Variants in PALLD observed in about 807,000 individuals in gnomAD.
PALLD encodes the protein palladin, cytoskeletal associated protein, also known as palladin.
In PALLD, 61 loss-of-function variants were observed where a neutral mutation model predicts 123.5. The ratio of observed to expected loss-of-function variants is 0.49; its 90% CI spans 0.40 to 0.61. The LOEUF (loss-of-function observed/expected upper bound fraction) is 0.61, where lower values mean the gene tolerates loss of function less well. Ranked by LOEUF, PALLD falls within the 20% of genes least tolerant of loss-of-function variation. The pLI is 0.00. For missense variants in PALLD, 1,273 were observed against 1,377.0 expected, an observed-to-expected ratio of 0.92 and a Z score of 1.20; for synonymous variants, 465 against 496.4, an observed-to-expected ratio of 0.94 and a Z score of 0.84.
chr4:168,706,426 C>T (rs1485216959), intron 8 of PALLD, among the ~76,000 whole-genome samples: 2 of 152,130 alleles, frequency 1.3e-5, no homozygotes, highest in Non-Finnish European at 2.9e-5. Flanking sequence ...TTTTACAACT[C>T]TTGCAATTTT....
At chr4:168,830,365 A>AC (rs1165372384) in intron 10 of PALLD, among the ~76,000 whole-genome samples, 1 of 151,674 alleles carries the variant, frequency 6.6e-6, no homozygotes, top group Non-Finnish European at 1.5e-5. Flanking sequence ...TCTTGAACAA[A>AC]AAAAAATGTT....
At chr4:168,861,931 C>T (rs1002546233) in intron 10 of PALLD, among the ~76,000 whole-genome samples, 6 of 152,164 alleles carry the variant, frequency 3.9e-5, no homozygotes, top group East Asian at 1.9e-4. Context: ...GCTGGGATTA[C>T]AGGCATGAGC....
rs114250766 is a variant in PALLD, at chr4:168,915,961, T to C, written c.2784T>C (p.Pro928=). 8.6e-5 allele frequency: 138 copies of C among 1,613,268 alleles called. No homozygotes were observed. In the East Asian group the frequency reaches 2.5e-3, roughly 30 times the overall value. Residue 928 remains proline (P), a synonymous_variant, in exon 17 of 22, where the codon CCT becomes CCC. Transcript: ENST00000505667. Reference sequence around the variant, plus strand: ...CAATTCAGGAGCGATTCTTCAGACCTCACTTCTTGCAGGCTCCTGGAGATC... The same window carrying C: ...CAATTCAGGAGCGATTCTTCAGACCCCACTTCTTGCAGGCTCCTGGAGATC... ...NEPIQERFFR[P]HFLQAPGDLT...
At chr4:168,835,567 A>G (rs991157394) in intron 10 of PALLD, among the ~76,000 whole-genome samples, 1 of 152,202 alleles carries the variant, frequency 6.6e-6, no homozygotes, top group Admixed American at 6.5e-5. Context: ...GTTTAGCCCT[A>G]GATCTCTTTG....
chr4:168,761,479 T>C (rs1421088967), intron 10 of PALLD, among the ~76,000 whole-genome samples: 1 of 152,054 alleles, frequency 6.6e-6, no homozygotes, highest in Non-Finnish European at 1.5e-5. Flanking sequence ...ATTTTTTTTC[T>C]GAGACGAGTC....
intron 2 of PALLD, among the ~76,000 whole-genome samples, chr4:168,569,764 C>A (rs1276754656): frequency 6.6e-6 from 1 of 152,154 alleles, no homozygotes; most frequent in Non-Finnish European, 1.5e-5. Flanking sequence ...CTACATCAGA[C>A]TTGACCCCCG....
intron 2 of PALLD, among the ~76,000 whole-genome samples, chr4:168,630,028 G>A (rs565976640): frequency 6.6e-6 from 1 of 152,168 alleles, no homozygotes; most frequent in African/African-American, 2.4e-5. Context: ...AGATTTCTGC[G>A]CTCATGGTGA....
intron 3 of PALLD, among the ~76,000 whole-genome samples, chr4:168,681,036 C>T (rs555283384): frequency 5.4e-4 from 82 of 152,112 alleles, no homozygotes; most frequent in African/African-American, 1.9e-3. Flanking sequence ...TAGTTTATAG[C>T]CATTTAAAAG....
chr4:168,670,765 CAA>C lies in PALLD; in HGVS notation c.1087+2405_1087+2406del, dbSNP rs367710328. On this transcript the variant is annotated intron_variant, in intron 3 of 21. Coordinates refer to ENST00000505667, the MANE Select transcript of PALLD (RefSeq NM_001166108.2). ...AAAAAAACAAAAAAAACAAAAAAAA[CAA>C]AAAAAAACAAAAAAAAAAAAACAAA... Among the ~76,000 whole-genome samples, 3 of 109,508 alleles carry C rather than the reference CAA, an allele frequency of 2.7e-5. No individual in the cohort carries two copies. The South Asian group carries it at 8.8e-4, about 32-fold the overall frequency. The allele number at this position is 109,508 out of a possible 152,430, so 71.8% of individuals were successfully genotyped here.
At chr4:168,852,562 GC>G (rs1374739463) in intron 10 of PALLD, among the ~76,000 whole-genome samples, 1 of 152,098 alleles carries the variant, frequency 6.6e-6, no homozygotes, top group Non-Finnish European at 1.5e-5. Context: ...GATTGCTTGA[GC>G]CCAGGAAGTC....
intron 10 of PALLD, among the ~76,000 whole-genome samples, chr4:168,857,434 G>A (rs1004090163): frequency 2.6e-5 from 4 of 152,194 alleles, no homozygotes; most frequent in East Asian, 1.9e-4. Context: ...TAGTCCTTAC[G>A]TCAAGATGAA....
chr4:168,762,786 C>T (rs1478337831), intron 10 of PALLD, among the ~76,000 whole-genome samples: 1 of 152,200 alleles, frequency 6.6e-6, no homozygotes, highest in Admixed American at 6.5e-5. Flanking sequence ...AAATGCCCAT[C>T]AATGATAGAC....
intron 8 of PALLD, among the ~76,000 whole-genome samples, chr4:168,696,227 T>C (rs1254129971): frequency 6.6e-6 from 1 of 152,152 alleles, no homozygotes; most frequent in Non-Finnish European, 1.5e-5. Flanking sequence ...TTTGAAATTC[T>C]TAATGCCAAA....
chr4:168,715,689 C>G (rs941116573), intron 10 of PALLD, among the ~76,000 whole-genome samples: 1 of 152,104 alleles, frequency 6.6e-6, no homozygotes, highest in Non-Finnish European at 1.5e-5. Context: ...GGTGGCTCAC[C>G]CCTGTAATCC....
intron 10 of PALLD, among the ~76,000 whole-genome samples, chr4:168,734,098 C>T (rs1022595663): frequency 6.6e-6 from 1 of 152,086 alleles, no homozygotes. Flanking sequence ...TCTGAGATAT[C>T]GGTTTGATAC....
chr4:168,824,871 G>T (rs1173576798), intron 10 of PALLD, among the ~76,000 whole-genome samples: 1 of 147,702 alleles, frequency 6.8e-6, no homozygotes, highest in Non-Finnish European at 1.5e-5. Flanking sequence ...ACCCAGGCTG[G>T]AGTGCAGTGG....
At chr4:168,523,200 C>T (rs13141538) in intron 2 of PALLD, among the ~76,000 whole-genome samples, 1 of 116,172 alleles carries the variant, frequency 8.6e-6, no homozygotes, top group Non-Finnish European at 1.6e-5. Flanking sequence ...GGAGGAGAAT[C>T]TTTGAGAACG....
In PALLD at chr4:168,603,514, C is replaced by CT. The variant is rs553876656; in HGVS notation, c.909-64675dup. On this transcript the variant is annotated intron_variant, in intron 2 of 21. Coordinates refer to ENST00000505667, the MANE Select transcript of PALLD (RefSeq NM_001166108.2). The stretch of plus-strand genomic sequence containing the variant: ...ACCATTTAATAACTTCAGGAAAGAC[C>CT]TATTTTTCAAAATTCAGAAAAGTAC... Among the ~76,000 whole-genome samples the CT allele has an allele frequency of 7.3e-3, 1,104 of 152,188 alleles. 11 individuals are homozygous for CT. The highest frequency in any genetic ancestry group is 0.025 in the African/African-American group (1,039 of 41,512).
At chr4:168,597,422 A>G (rs541574336) in intron 2 of PALLD, among the ~76,000 whole-genome samples, 1 of 152,162 alleles carries the variant, frequency 6.6e-6, no homozygotes, top group South Asian at 2.1e-4. Context: ...TTAGAATGAG[A>G]ATGATTCTAA....
Sources: gnomAD v4.1 joint callset for allele counts (sites outside exome capture counted in the v4.1 genomes callset) on GRCh38, gnomAD v4.1.1 for gene constraint, MANE v1.5 for transcripts, NCBI Gene and HGNC (gene_info 2026-07-23, HGNC 2026-07-21) for gene names.